ZNF615: variants seen among roughly 807,000 people sequenced by gnomAD.
The protein encoded by ZNF615 is zinc finger protein 615.
ZNF615 carries 15 observed loss-of-function variants against 15.3 expected under a neutral mutation model. The observed-to-expected ratio is 0.98, with a 90% CI of 0.66 to 1.51. The LOEUF is 1.51. ZNF615 is among the 40% of genes most tolerant of loss of function. The pLI, the probability that ZNF615 is intolerant of heterozygous loss-of-function variation, is 0.00. For synonymous variants in ZNF615, 268 were observed against 294.6 expected, an observed-to-expected ratio of 0.91 and a Z score of 0.92; for missense variants, 848 against 895.9, an observed-to-expected ratio of 0.95 and a Z score of 0.68.
At position 51,992,826 on chromosome 19, in the gene ZNF615, T is replaced by G; in HGVS notation, c.*54A>C. 1 of 1,566,654 alleles carries G rather than the reference T, an allele frequency of 6.4e-7. No homozygotes were observed. The highest frequency in any genetic ancestry group is 8.7e-7 in the Non-Finnish European group (1 of 1,153,346). ...GTAGTCTGCATTCATGAAATTACTCTTCTTTGCAGATATCTTAAGGGCCTA... is the reference window on the plus strand; with the variant it reads ...GTAGTCTGCATTCATGAAATTACTCGTCTTTGCAGATATCTTAAGGGCCTA... On this transcript the variant is annotated 3_prime_UTR_variant, in exon 7 of 7. Transcript: ENST00000598071.
intron 2 of ZNF615, among the ~76,000 whole-genome samples, chr19:52,004,118 T>A (rs1005868980): frequency 6.6e-6 from 1 of 152,176 alleles, no homozygotes; most frequent in Admixed American, 6.5e-5. Flanking sequence ...TGACTACTGC[T>A]AGTAAGTGAA....
chr19:51,993,308 G>A lies in ZNF615; in HGVS notation c.1801C>T (p.His601Tyr). ...KSMLIAHQRT[H>Y]TGEKPYICNE... ...CATATATAAGGTTTCTCCCCAGTAT[G>A]AGTTCGCTGATGTGCAATGAGCATG... is the stretch of plus-strand genomic sequence containing the variant. Residue 601 changes from histidine to tyrosine, a missense_variant, in exon 7 of 7, where the codon CAT becomes TAT. Transcript: ENST00000598071. 2 of 1,614,080 alleles carry A rather than the reference G, an allele frequency of 1.2e-6. No homozygotes were observed. The highest frequency in any genetic ancestry group is 1.7e-6 in the Non-Finnish European group (2 of 1,180,012).
chr19:52,003,508 T>C (rs2086664396), intron 3 of ZNF615, among the ~76,000 whole-genome samples, 189 bp downstream of exon 3: 1 of 152,172 alleles, frequency 6.6e-6, no homozygotes, highest in African/African-American at 2.4e-5. Flanking sequence ...TCCCACACAG[T>C]CACAAATTCC....
chr19:51,998,099 AGTTAT>A (rs2086493260), intron 6 of ZNF615, among the ~76,000 whole-genome samples: 1 of 152,200 alleles, frequency 6.6e-6, no homozygotes, highest in Non-Finnish European at 1.5e-5. Context: ...CAAATAAATT[AGTTAT>A]ATCATGTCAC....
At chr19:51,997,177 G>T (rs576316156) in intron 6 of ZNF615, among the ~76,000 whole-genome samples, 1 of 152,036 alleles carries the variant, frequency 6.6e-6, no homozygotes. Context: ...AATTAGCTGG[G>T]TGTGGTGGCA....
intron 1 of ZNF615, 78 bp downstream of exon 1, chr19:52,008,063 A>G: frequency 7.3e-7 from 1 of 1,368,048 alleles, no homozygotes; most frequent in African/African-American, 1.4e-5. Flanking sequence ...GTCCATCACC[A>G]CTGTCCACGA....
intron 6 of ZNF615, 63 bp from the exon 7 acceptor site, chr19:51,994,900 A>G: frequency 6.9e-7 from 1 of 1,448,656 alleles, no homozygotes. Context: ...TATTTAAACT[A>G]TTTTTTAAAA....
At position 51,993,957 on chromosome 19, in the gene ZNF615, T is replaced by C. The variant is rs774415222; in HGVS notation, c.1152A>G (p.Ile384Met). The change falls in exon 7 of 7, where the codon ATA becomes ATG. Residue 384 changes from isoleucine (I) to methionine (M), a missense_variant. Transcript: ENST00000598071. ...HRTHTGEKPF[I>M]CNKCGKGFTL... Reference sequence around the variant, plus strand: ...TGAAGCCTTTCCCACATTTATTGCATATAAAGGGTTTCTCACCAGTATGAG... The same window carrying C: ...TGAAGCCTTTCCCACATTTATTGCACATAAAGGGTTTCTCACCAGTATGAG... 5.0e-5 allele frequency: 80 copies of C among 1,613,904 alleles called. No individual in the cohort carries two copies. The highest frequency in any genetic ancestry group is 1.6e-4 in the Middle Eastern group (1 of 6,084).
At chr19:52,001,543 G>C (rs746052594) in intron 5 of ZNF615, among the ~76,000 whole-genome samples, 1 of 151,426 alleles carries the variant, frequency 6.6e-6, no homozygotes, top group African/African-American at 2.4e-5. Flanking sequence ...CCTTGAACCC[G>C]GGAGGCGGAG....
intron 2 of ZNF615, among the ~76,000 whole-genome samples, chr19:52,005,774 G>A (rs191382799): frequency 9.5e-4 from 145 of 152,330 alleles, no homozygotes; most frequent in African/African-American, 3.4e-3. Context: ...TACAATGGCA[G>A]AGTTGAGAAT....
chr19:52,003,538 G>T (rs528240535), intron 3 of ZNF615, among the ~76,000 whole-genome samples, 159 bp downstream of exon 3: 1 of 152,292 alleles, frequency 6.6e-6, no homozygotes, highest in South Asian at 2.1e-4. Context: ...CATGTAGTAT[G>T]AATCCTATGA....
chr19:52,003,602 C>T (rs1235768622), intron 3 of ZNF615, 95 bp downstream of exon 3: 3 of 1,208,058 alleles, frequency 2.5e-6, no homozygotes, highest in Non-Finnish European at 2.4e-6. Context: ...CTGATATTTC[C>T]AATTTATACT....
rs2123062359 is a variant in ZNF615, at chr19:52,001,886, A to G, written c.165T>C (p.Asp55=). The change falls in exon 5 of 7, where the codon GAT becomes GAC. Residue 55 remains aspartate, a synonymous_variant. Coordinates refer to ENST00000598071, the MANE Select transcript of ZNF615 (RefSeq NM_001199324.2). The part of the protein sequence containing the change: ...VAVGYQASKP[D]ALSKLERGEE... ...CTCCTCGTTCCAATTTGGAGAGTGCATCTGGTTTGCTGGCTTGATACCCTG... is the reference window on the plus strand; with the variant it reads ...CTCCTCGTTCCAATTTGGAGAGTGCGTCTGGTTTGCTGGCTTGATACCCTG... The G allele has an allele frequency of 6.2e-7, 1 of 1,614,166 alleles. No homozygotes were observed. The highest frequency in any genetic ancestry group is 2.2e-5 in the East Asian group (1 of 44,872).
chr19:52,008,018 C>A, intron 1 of ZNF615, 123 bp downstream of exon 1: 1 of 876,930 alleles, frequency 1.1e-6, no homozygotes, highest in Non-Finnish European at 1.7e-6. Flanking sequence ...AAGAATTCCA[C>A]TGGCGTCGCC....
rs1017043395 is a variant in ZNF615 at position 51,991,643 on chromosome 19, G to A, written c.*1237C>T. The A allele has an allele frequency of 3.3e-5, 5 of 152,242 alleles. No homozygotes were observed. Among genetic ancestry groups the A allele is most frequent in the African/African-American group, 1.2e-4 (5 of 41,454 alleles). The allele number at this position is 152,242 out of a possible 1,614,324, so 9.4% of individuals were successfully genotyped here. A position where few individuals can be genotyped will look rare whatever the true frequency, so the allele number is the denominator to read the frequency against. The stretch of plus-strand genomic sequence containing the variant: ...AGGGTTAGGGCTGAGGAGAGGTTGT[G>A]ACTATAAACAAGGAGCATGAGGGAG... On this transcript the variant is annotated 3_prime_UTR_variant, in exon 7 of 7. Transcript: ENST00000598071.
chr19:52,003,818 G>A lies in ZNF615; in HGVS notation c.-107C>T, dbSNP rs2086674704. 2 of 1,571,826 alleles carry A rather than the reference G, an allele frequency of 1.3e-6. No individual in the cohort carries two copies. Among genetic ancestry groups the A allele is most frequent in the Admixed American group, 1.9e-5 (1 of 53,158 alleles). On this transcript the variant is annotated 5_prime_UTR_variant, in exon 3 of 7. Coordinates refer to ENST00000598071, the MANE Select transcript of ZNF615 (RefSeq NM_001199324.2). Reference sequence around the variant, plus strand: ...AAAACTTCAATCTCCAATCAAGGATGTCCCCAGAAATGATGACACCCAAGT... The same window carrying A: ...AAAACTTCAATCTCCAATCAAGGATATCCCCAGAAATGATGACACCCAAGT...
chr19:52,003,840 A>G lies in ZNF615; in HGVS notation c.-129T>C, dbSNP rs1014516694. On this transcript the variant is annotated 5_prime_UTR_variant, in exon 3 of 7. Coordinates refer to ENST00000598071, the MANE Select transcript of ZNF615 (RefSeq NM_001199324.2). ...GATGTCCCCAGAAATGATGACACCCAAGTCTTGGAAACTCCGCCTCCTTCC... is the reference window on the plus strand; with the variant it reads ...GATGTCCCCAGAAATGATGACACCCGAGTCTTGGAAACTCCGCCTCCTTCC... 18 of 1,514,448 alleles carry G rather than the reference A, an allele frequency of 1.2e-5. No homozygotes were observed. Among genetic ancestry groups the G allele is most frequent in the Non-Finnish European group, 1.5e-5 (17 of 1,135,222 alleles). 93.8% of individuals were successfully genotyped at this position (1,514,448 alleles called of 1,614,324 possible).
intron 2 of ZNF615, among the ~76,000 whole-genome samples, chr19:52,005,231 C>A (rs368629013): frequency 3.3e-5 from 5 of 152,114 alleles, no homozygotes; most frequent in African/African-American, 9.7e-5. Context: ...TGCACTCCAG[C>A]CTGGGTGACA....
intron 6 of ZNF615, 32 bp from the exon 7 acceptor site, chr19:51,994,869 T>G (rs754610173): frequency 1.3e-6 from 2 of 1,524,686 alleles, no homozygotes; most frequent in Admixed American, 4.6e-5. Context: ...AATCACTCCA[T>G]CATCTTGTTT....
Sources: gnomAD v4.1 joint callset for allele counts (sites outside exome capture counted in the v4.1 genomes callset) on GRCh38, gnomAD v4.1.1 for gene constraint, MANE v1.5 for transcripts, NCBI Gene and HGNC (gene_info 2026-07-23, HGNC 2026-07-21) for gene names.